RBM15: variants seen among roughly 807,000 people sequenced by gnomAD.
RBM15 encodes the protein RNA-binding protein 15.
A neutral mutation model predicts 62.6 loss-of-function variants in RBM15; 8 were observed. The observed-to-expected ratio is 0.13, with a 90% CI of 0.07 to 0.23. The LOEUF (loss-of-function observed/expected upper bound fraction) is 0.23, where lower values mean the gene tolerates loss of function less well. Among genes scored for constraint, RBM15 ranks in the 10% least tolerant of loss-of-function variants. The pLI is 1.00. For missense variants in RBM15, 1,144 were observed against 1,286.5 expected, an observed-to-expected ratio of 0.89 and a Z score of 1.69; for synonymous variants, 606 against 505.7, an observed-to-expected ratio of 1.20 and a Z score of -2.66.
Position 110,341,775 on chromosome 1 carries a change from C to G in RBM15, c.2370C>G (p.Gly790=). 1 of 1,614,204 alleles carries G rather than the reference C, an allele frequency of 6.2e-7. No individual in the cohort carries two copies. Among genetic ancestry groups the G allele is most frequent in the Non-Finnish European group, 8.5e-7 (1 of 1,180,038 alleles). Residue 790 remains glycine (G), a synonymous_variant, in exon 1 of 3, where the codon GGC becomes GGG. Coordinates refer to ENST00000369784, the MANE Select transcript of RBM15 (RefSeq NM_022768.5). The surrounding 1 kb of genome is among the most constrained non-coding windows in gnomAD (Gnocchi z 4.5). ...CCAAACTCTGTTTGGCCTGGCAGGG[C>G]ATGCTTCTACTGAAGAACAGCAACT... ...ASPKLCLAWQ[G]MLLLKNSNFP...
At position 110,339,424 on chromosome 1, in the gene RBM15, GA is replaced by G. The variant is rs1261375025; in HGVS notation, c.20del (p.Asp7AlafsTer39). 24 of 1,526,846 alleles carry G rather than the reference GA, an allele frequency of 1.6e-5. No individual in the cohort carries two copies. The highest frequency in any genetic ancestry group is 1.9e-5 in the Non-Finnish European group (22 of 1,135,948). The allele number at this position is 1,526,846 out of a possible 1,614,324, so 94.6% of individuals were successfully genotyped here. MRTAGR[D>X]PVPRRSPRWR... Reference sequence around the variant, plus strand: ...TTGGCCAATGAGGACTGCGGGGCGGGACCCTGTGCCGCGGCGGAGTCCAAGA... The same window carrying G: ...TTGGCCAATGAGGACTGCGGGGCGGGCCCTGTGCCGCGGCGGAGTCCAAGA... On this transcript the variant is annotated frameshift_variant, in exon 1 of 3. Transcript: ENST00000369784. LOFTEE classifies it high-confidence loss of function.
Position 110,340,555 on chromosome 1 carries a change from A to G in RBM15, c.1150A>G (p.Thr384Ala). ...RTLFLGNLDITVTESDLRRAF... is the reference protein window; with the variant it reads ...RTLFLGNLDIAVTESDLRRAF... ...GCTCTTCTTGGGCAACCTAGACATC[A>G]CTGTAACGGAGAGTGATTTAAGAAG... Residue 384 changes from threonine (T) to alanine (A), a missense_variant, in exon 1 of 3, where the codon ACT (threonine) becomes GCT (alanine). By Grantham distance (58) the Thr-to-Ala change is moderately conservative. Around this residue, in one of 8 missense-constraint regions of RBM15, gnomAD observed 105 missense variants for 193.6 expected, o/e 0.54. Coordinates refer to ENST00000369784, the MANE Select transcript of RBM15 (RefSeq NM_022768.5). This position sits in a 1 kb window ranked among gnomAD's most constrained non-coding sequence, Gnocchi z 5.8. 1 of 1,614,144 alleles carries G rather than the reference A, an allele frequency of 6.2e-7. No individual in the cohort carries two copies.
chr1:110,339,620 A>G lies in RBM15; in HGVS notation c.215A>G (p.Lys72Arg), dbSNP rs2101137772. 1.9e-6 allele frequency: 3 copies of G among 1,612,802 alleles called. No individual in the cohort carries two copies. Among genetic ancestry groups the G allele is most frequent in the Middle Eastern group, 1.7e-4 (1 of 6,058 alleles). Residue 72 changes from lysine (K) to arginine (R), a missense_variant, in exon 1 of 3, where the codon AAG becomes AGG. This residue lies in a region of RBM15 where 298 missense variants were observed against 250.0 expected (regional missense o/e 1.19). Transcript: ENST00000369784. ...TCGACTTCCCGCGGTGAGCGGAGCA[A>G]GAAGTTAGGGGGCTCTGGTGGCAGC... is the stretch of plus-strand genomic sequence containing the variant. ...EDSTSRGERS[K>R]KLGGSGGSNG...
chr1:110,346,158 GTAT>G (rs1284390866), intron 2 of RBM15, 147 bp from the exon 3 acceptor site: 1 of 690,954 alleles, frequency 1.4e-6, no homozygotes, highest in Non-Finnish European at 2.4e-6. Flanking sequence ...ATGCCAGTGG[GTAT>G]TATTGGTGCT....
intron 1 of RBM15, chr1:110,342,778 A>C (rs944399685): frequency 1.3e-5 from 2 of 153,382 alleles, no homozygotes; most frequent in African/African-American, 4.8e-5. Flanking sequence ...ATATGCTGGT[A>C]AATTGTATAG....
In RBM15 at chr1:110,339,824, C is replaced by T. The variant is rs1660751407; in HGVS notation, c.419C>T (p.Ser140Leu). ...STKNSSGGGESRSSSRGGGGE... is the reference protein window; with the variant it reads ...STKNSSGGGELRSSSRGGGGE... ...AAAAATTCTTCGGGCGGGGGCGAATCGCGCAGCAGCTCCCGGGGTGGAGGC... is the reference window on the plus strand; with the variant it reads ...AAAAATTCTTCGGGCGGGGGCGAATTGCGCAGCAGCTCCCGGGGTGGAGGC... Residue 140 changes from serine to leucine, a missense_variant, in exon 1 of 3, where the codon TCG becomes TTG. By Grantham distance (145) the Ser-to-Leu change is moderately radical (BLOSUM62 -2). This residue lies in a region of RBM15 where 298 missense variants were observed against 250.0 expected (regional missense o/e 1.19). Coordinates refer to ENST00000369784, the MANE Select transcript of RBM15 (RefSeq NM_022768.5). 6.3e-7 allele frequency: 1 copy of T among 1,598,870 alleles called. No homozygotes were observed. The highest frequency in any genetic ancestry group is 8.6e-7 in the Non-Finnish European group (1 of 1,169,012).
rs867700450 is a variant in RBM15 at position 110,341,765 on chromosome 1, C to T, written c.2360C>T (p.Ala787Val). The change falls in exon 1 of 3, where the codon GCC becomes GTC. Residue 787 changes from alanine (A) to valine (V), a missense_variant. By Grantham distance (64) the Ala-to-Val change is moderately conservative. Transcript: ENST00000369784. This position sits in a 1 kb window ranked among gnomAD's most constrained non-coding sequence, Gnocchi z 4.5. ...VASASPKLCLAWQGMLLLKNS... is the reference protein window; with the variant it reads ...VASASPKLCLVWQGMLLLKNS... ...TCAGCCTCTCCCAAACTCTGTTTGG[C>T]CTGGCAGGGCATGCTTCTACTGAAG... The T allele has an allele frequency of 1.2e-6, 2 of 1,614,196 alleles. No individual in the cohort carries two copies. The highest frequency in any genetic ancestry group is 1.3e-5 in the African/African-American group (1 of 75,038).
At chr1:110,344,587 T>C (rs1660864219) in intron 1 of RBM15, among the ~76,000 whole-genome samples, 1 of 152,186 alleles carries the variant, frequency 6.6e-6, no homozygotes, top group Admixed American at 6.5e-5. Context: ...AAAAAACTAA[T>C]TATGTTTAGT....
rs2101139768 is a variant in RBM15 at position 110,340,460 on chromosome 1, G to A, written c.1055G>A (p.Gly352Glu). The A allele has an allele frequency of 6.2e-7, 1 of 1,614,196 alleles. No individual in the cohort carries two copies. The highest frequency in any genetic ancestry group is 1.6e-4 in the Middle Eastern group (1 of 6,062). ...AYSLEPRVGA[G>E]AGAAPFREVD... ...AGTCTTGAGCCAAGGGTGGGAGCTG[G>A]AGCAGGTGCTGCTCCTTTCAGAGAA... The change falls in exon 1 of 3, where the codon GGA (glycine) becomes GAA (glutamate). Residue 352 changes from glycine to glutamate, a missense_variant. Transcript: ENST00000369784. The surrounding 1 kb of genome is among the most constrained non-coding windows in gnomAD (Gnocchi z 5.8).
rs765846723 is a variant in RBM15 at position 110,341,193 on chromosome 1, C to T, written c.1788C>T (p.Arg596=). 3.3e-4 allele frequency: 529 copies of T among 1,614,000 alleles called. No homozygotes were observed. The highest frequency in any genetic ancestry group is 4.3e-4 in the Non-Finnish European group (508 of 1,180,018). The change falls in exon 1 of 3, where the codon CGC becomes CGT. Residue 596 remains arginine, a synonymous_variant. Transcript: ENST00000369784. This position sits in a 1 kb window ranked among gnomAD's most constrained non-coding sequence, Gnocchi z 4.5. ...WVPPPPPVRE[R]STRTAATSVP... ...CACCCCCACCCCCAGTCCGAGAACG[C>T]AGCACTCGGACTGCAGCTACTTCTG...
chr1:110,339,792 G>A lies in RBM15; in HGVS notation c.387G>A (p.Pro129=), dbSNP rs1361545569. The change falls in exon 1 of 3, where the codon CCG becomes CCA. Residue 129 remains proline (P), a synonymous_variant. Transcript: ENST00000369784. ...SSSRLHSYSS[P]STKNSSGGGE... Reference sequence around the variant, plus strand: ...GCCGCTTGCATAGTTATAGCTCCCCGAGCACCAAAAATTCTTCGGGCGGGG... The same window carrying A: ...GCCGCTTGCATAGTTATAGCTCCCCAAGCACCAAAAATTCTTCGGGCGGGG... 2 of 1,602,874 alleles carry A rather than the reference G, an allele frequency of 1.2e-6. No individual in the cohort carries two copies. Among genetic ancestry groups the A allele is most frequent in the South Asian group, 1.1e-5 (1 of 90,804 alleles).
chr1:110,339,825 G>A lies in RBM15; in HGVS notation c.420G>A (p.Ser140=), dbSNP rs370913150. ...STKNSSGGGE[S]RSSSRGGGGE... ...AAAATTCTTCGGGCGGGGGCGAATC[G>A]CGCAGCAGCTCCCGGGGTGGAGGCG... Residue 140 remains serine (S), a synonymous_variant, in exon 1 of 3, where the codon TCG becomes TCA. Transcript: ENST00000369784. 1 of 1,599,366 alleles carries A rather than the reference G, an allele frequency of 6.3e-7. No homozygotes were observed. The highest frequency in any genetic ancestry group is 1.1e-5 in the South Asian group (1 of 90,338).
In RBM15 at chr1:110,340,477, T is replaced by C. The variant is rs1275042725; in HGVS notation, c.1072T>C (p.Phe358Leu). 1 of 1,613,868 alleles carries C rather than the reference T, an allele frequency of 6.2e-7. No homozygotes were observed. The change falls in exon 1 of 3, where the codon TTC (phenylalanine) becomes CTC (leucine). Residue 358 changes from phenylalanine (F) to leucine (L), a missense_variant. By Grantham distance (22) the Phe-to-Leu change is conservative. Around this residue, in one of 8 missense-constraint regions of RBM15, gnomAD observed 33 missense variants for 39.6 expected, o/e 0.83. Coordinates refer to ENST00000369784, the MANE Select transcript of RBM15 (RefSeq NM_022768.5). The surrounding 1 kb of genome is among the most constrained non-coding windows in gnomAD (Gnocchi z 5.8). Reference sequence around the variant, plus strand: ...GGGAGCTGGAGCAGGTGCTGCTCCTTTCAGAGAAGTGGATGAGATTTCACC... The same window carrying C: ...GGGAGCTGGAGCAGGTGCTGCTCCTCTCAGAGAAGTGGATGAGATTTCACC... ...RVGAGAGAAP[F>L]REVDEISPED...
rs753354286 is a variant in RBM15 at position 110,339,800 on chromosome 1, A to G, written c.395A>G (p.Lys132Arg). The G allele has an allele frequency of 1.9e-6, 3 of 1,601,804 alleles. No individual in the cohort carries two copies. The highest frequency in any genetic ancestry group is 2.2e-5 in the East Asian group (1 of 44,552). ...RLHSYSSPST[K>R]NSSGGGESRS... ...CATAGTTATAGCTCCCCGAGCACCA[A>G]AAATTCTTCGGGCGGGGGCGAATCG... The change falls in exon 1 of 3, where the codon AAA becomes AGA. Residue 132 changes from lysine to arginine, a missense_variant. By Grantham distance (26) the Lys-to-Arg change is conservative. This residue lies in a region of RBM15 where 298 missense variants were observed against 250.0 expected (regional missense o/e 1.19). Coordinates refer to ENST00000369784, the MANE Select transcript of RBM15 (RefSeq NM_022768.5).
At position 110,340,407 on chromosome 1, in the gene RBM15, G is replaced by C. The variant is rs774676880; in HGVS notation, c.1002G>C (p.Pro334=). ...PRDLERERDY[P]FYERVRPAYS... is the part of the protein sequence containing the mutation. Reference sequence around the variant, plus strand: ...ACCTGGAGAGAGAAAGAGACTACCCGTTCTATGAGAGAGTGCGCCCTGCAT... The same window carrying C: ...ACCTGGAGAGAGAAAGAGACTACCCCTTCTATGAGAGAGTGCGCCCTGCAT... Residue 334 remains proline, a synonymous_variant, in exon 1 of 3, where the codon CCG becomes CCC. Transcript: ENST00000369784. The surrounding 1 kb of genome is among the most constrained non-coding windows in gnomAD (Gnocchi z 5.8). The C allele has an allele frequency of 3.8e-5, 61 of 1,614,080 alleles. No homozygotes were observed. The highest frequency in any genetic ancestry group is 4.9e-5 in the Non-Finnish European group (58 of 1,180,032).
chr1:110,340,393 G>A lies in RBM15; in HGVS notation c.988G>A (p.Glu330Lys). ...ACCATTGCCTCGAGACCTGGAGAGA[G>A]AAAGAGACTACCCGTTCTATGAGAG... ...PPPLPRDLER[E>K]RDYPFYERVR... Residue 330 changes from glutamate to lysine, a missense_variant, in exon 1 of 3, where the codon GAA becomes AAA. By Grantham distance (56) the Glu-to-Lys change is moderately conservative. Coordinates refer to ENST00000369784, the MANE Select transcript of RBM15 (RefSeq NM_022768.5). The surrounding 1 kb of genome is among the most constrained non-coding windows in gnomAD (Gnocchi z 5.8). 1 of 1,614,214 alleles carries A rather than the reference G, an allele frequency of 6.2e-7. No homozygotes were observed. The highest frequency in any genetic ancestry group is 8.5e-7 in the Non-Finnish European group (1 of 1,180,046).
rs556732179 is a variant in RBM15, at chr1:110,340,566, G to A, written c.1161G>A (p.Glu387=). The A allele has an allele frequency of 1.9e-6, 3 of 1,614,182 alleles. No homozygotes were observed. The highest frequency in any genetic ancestry group is 2.2e-5 in the East Asian group (1 of 44,882). The part of the protein sequence containing the change: ...FLGNLDITVT[E]SDLRRAFDRF... ...GCAACCTAGACATCACTGTAACGGA[G>A]AGTGATTTAAGAAGGGCGTTTGATC... Residue 387 remains glutamate, a synonymous_variant, in exon 1 of 3, where the codon GAG becomes GAA. Transcript: ENST00000369784. This position sits in a 1 kb window ranked among gnomAD's most constrained non-coding sequence, Gnocchi z 5.8.
Position 110,339,522 on chromosome 1 carries a change from C to T in RBM15, c.117C>T (p.Leu39=), listed in dbSNP as rs756766725. The change falls in exon 1 of 3, where the codon CTC becomes CTT. Residue 39 remains leucine, a synonymous_variant. Transcript: ENST00000369784. The stretch of plus-strand genomic sequence containing the variant: ...TTACTCAGCTCCGCGGAGACGACCT[C>T]CGACGACCCGCAACAATGAAGGGAA... ...RRVTQLRGDD[L]RRPATMKGKE... is the part of the protein sequence containing the mutation. 8.7e-6 allele frequency: 14 copies of T among 1,600,442 alleles called. No individual in the cohort carries two copies. The highest frequency in any genetic ancestry group is 4.5e-5 in the East Asian group (2 of 44,556).
Position 110,340,871 on chromosome 1 carries a change from G to C in RBM15, c.1466G>C (p.Gly489Ala). 6.2e-7 allele frequency: 1 copy of C among 1,614,222 alleles called. No individual in the cohort carries two copies. Among genetic ancestry groups the C allele is most frequent in the South Asian group, 1.1e-5 (1 of 91,080 alleles). Residue 489 changes from glycine (G) to alanine (A), a missense_variant, in exon 1 of 3, where the codon GGT (glycine) becomes GCT (alanine). Coordinates refer to ENST00000369784, the MANE Select transcript of RBM15 (RefSeq NM_022768.5). The surrounding 1 kb of genome is among the most constrained non-coding windows in gnomAD (Gnocchi z 5.8). ...GTIRTIDYRK[G>A]DSWAYIQYES... ...ATACGCACCATAGACTACCGAAAAG[G>C]TGATAGTTGGGCATATATCCAGTAT...
Sources: gnomAD v4.1 joint callset for allele counts (sites outside exome capture counted in the v4.1 genomes callset) on GRCh38, gnomAD v4.1.1 for gene constraint, gnomAD v4.1.1 regional missense constraint, Gnocchi (gnomAD v3.1) non-coding constraint, MANE v1.5 for transcripts, NCBI Gene and HGNC (gene_info 2026-07-23, HGNC 2026-07-21) for gene names.